Variants in METAP1 observed in about 807,000 individuals in gnomAD.
METAP1 encodes methionyl aminopeptidase 1.
In METAP1, 28 loss-of-function variants were observed where a neutral mutation model predicts 53.8. That is an observed-to-expected ratio of 0.52 (90% confidence interval 0.39 to 0.71). METAP1 has a LOEUF of 0.71. METAP1 is among the 30% of genes least tolerant of loss of function. METAP1 has a pLI of 0.00. For synonymous variants in METAP1, 181 were observed against 165.7 expected (o/e 1.09, Z -0.71); for missense variants, 389 against 479.8 (o/e 0.81, Z 1.77).
At chr4:99,029,148 AG>A (rs1248716735) in intron 2 of METAP1, among the ~76,000 whole-genome samples, 2 of 152,202 alleles carry the variant, frequency 1.3e-5, no homozygotes, top group Non-Finnish European at 2.9e-5. Flanking sequence ...GATAGTTGTT[AG>A]TATAGATGGA....
intron 3 of METAP1, 83 bp from the exon 4 acceptor site, chr4:99,035,316 TA>T: frequency 1.0e-6 from 1 of 975,486 alleles, no homozygotes. Flanking sequence ...TTAAAACTTC[TA>T]AAAACTTTTG....
chr4:99,011,719 T>A (rs1723478050), intron 1 of METAP1, among the ~76,000 whole-genome samples: 1 of 152,160 alleles, frequency 6.6e-6, no homozygotes, highest in South Asian at 2.1e-4. Context: ...GGCAGGCGGA[T>A]CACCTGAGGT....
chr4:99,058,021 T>G (rs1318797031), intron 10 of METAP1, among the ~76,000 whole-genome samples: 1 of 152,172 alleles, frequency 6.6e-6, no homozygotes. Context: ...GGTAGTCTTC[T>G]GTCAGGAGAT....
At chr4:99,050,800 A>G (rs898887844) in intron 9 of METAP1, among the ~76,000 whole-genome samples, 3 of 152,116 alleles carry the variant, frequency 2.0e-5, no homozygotes, top group African/African-American at 7.2e-5. Context: ...TTCATCCTGA[A>G]TCATCCCCCC....
Position 99,016,392 on chromosome 4 carries a change from T to A in METAP1, c.115-12475T>A, listed in dbSNP as rs189935140. 1.2e-3 allele frequency among the ~76,000 whole-genome samples: 183 copies of A among 152,296 alleles called. 1 individual carries two copies. Among genetic ancestry groups the A allele is most frequent in the Non-Finnish European group, 5.0e-4 (34 of 68,020 alleles). On this transcript the variant is annotated intron_variant, in intron 1 of 10. Coordinates refer to ENST00000296411, the MANE Select transcript of METAP1 (RefSeq NM_015143.3). ...TAGTTAGATGACTTGTCTGATTCAT[T>A]CTTTCTACTCTCCTGGAGGAGGAGG...
chr4:99,033,242 G>C (rs1412186576), intron 2 of METAP1, among the ~76,000 whole-genome samples: 1 of 151,852 alleles, frequency 6.6e-6, no homozygotes, highest in African/African-American at 2.4e-5. Flanking sequence ...TTGTTTAAGA[G>C]GGGAGTTTTA....
intron 3 of METAP1, 141 bp downstream of exon 3, chr4:99,034,483 C>T (rs565304748): frequency 5.4e-5 from 33 of 615,668 alleles, no homozygotes; most frequent in Admixed American, 1.1e-4. Flanking sequence ...TGAGCTCTTA[C>T]GGTGCATCAT....
At chr4:99,022,653 C>T in intron 1 of METAP1, 2 of 1,097,854 alleles carry the variant, frequency 1.8e-6, no homozygotes, top group African/African-American at 1.6e-5. Context: ...CGCTCAAAGG[C>T]AAGGTGCTCG....
At chr4:99,026,630 C>T in intron 1 of METAP1, 2 of 985,312 alleles carry the variant, frequency 2.0e-6, no homozygotes, top group Non-Finnish European at 2.4e-6. Context: ...GTTAAGGAGT[C>T]AGAAATTAAC....
At chr4:98,997,813 TC>T (rs969299355) in intron 1 of METAP1, among the ~76,000 whole-genome samples, 4 of 152,206 alleles carry the variant, frequency 2.6e-5, no homozygotes, top group African/African-American at 9.6e-5. Flanking sequence ...ACTCAAATAT[TC>T]CCAGAGTGGC....
intron 1 of METAP1, chr4:99,022,667 T>TG: frequency 8.2e-7 from 1 of 1,214,936 alleles, no homozygotes; most frequent in Non-Finnish European, 1.2e-6. Flanking sequence ...GTGCTCGCTG[T>TG]GGTGGGACCA....
At chr4:99,011,787 A>C (rs983109396) in intron 1 of METAP1, among the ~76,000 whole-genome samples, 10 of 152,148 alleles carry the variant, frequency 6.6e-5, no homozygotes, top group African/African-American at 2.4e-4. Context: ...CTAAAAATAC[A>C]AAATTAGCCA....
At chr4:99,025,628 C>T in intron 1 of METAP1, 2 of 336,158 alleles carry the variant, frequency 5.9e-6, no homozygotes, top group Non-Finnish European at 8.5e-6. Flanking sequence ...TTTGAACTGC[C>T]AACCACCCTG....
rs1010416149 is a variant in METAP1 at position 98,995,924 on chromosome 4, C to T, written c.114+57C>T. On this transcript the variant is annotated intron_variant, in intron 1 of 10. Coordinates refer to ENST00000296411, the MANE Select transcript of METAP1 (RefSeq NM_015143.3). The stretch of plus-strand genomic sequence containing the variant: ...CGCTGCGGGACCCCTCCTCGCTTCT[C>T]CCCTGCTGGCTCCTCCCGCCCTTGC... 12 of 1,356,854 alleles carry T rather than the reference C, an allele frequency of 8.8e-6. No individual in the cohort carries two copies. The African/African-American group carries it at 1.0e-4, about 12-fold the overall frequency. 84.1% of individuals were successfully genotyped at this position (1,356,854 alleles called of 1,614,324 possible).
In METAP1 at chr4:99,034,245, A is replaced by C; in HGVS notation, c.182A>C (p.Lys61Thr). 6.5e-7 allele frequency: 1 copy of C among 1,549,342 alleles called. No individual in the cohort carries two copies. The highest frequency in any genetic ancestry group is 8.7e-7 in the Non-Finnish European group (1 of 1,144,772). Reference protein sequence around the residue: ...LHKKAKDEKAKREVSSWTVEG... With the variant: ...LHKKAKDEKATREVSSWTVEG... ...CGTCTCCCAGAAGATGAAAAGGCGA[A>C]GCGAGAAGTGTCTTCCTGGACTGTG... Residue 61 changes from lysine (K) to threonine (T), a missense_variant, in exon 3 of 11, where the codon AAG (lysine) becomes ACG (threonine). Physicochemically the swap from Lys to Thr is moderately conservative, Grantham distance 78. Coordinates refer to ENST00000296411, the MANE Select transcript of METAP1 (RefSeq NM_015143.3).
intron 1 of METAP1, among the ~76,000 whole-genome samples, chr4:99,019,701 C>T (rs1723973616): frequency 6.6e-6 from 1 of 152,190 alleles, no homozygotes; most frequent in African/African-American, 2.4e-5. Flanking sequence ...TCATCCTTCT[C>T]ATGTATGCTT....
At chr4:98,998,510 A>G (rs765010408) in intron 1 of METAP1, among the ~76,000 whole-genome samples, 6 of 152,172 alleles carry the variant, frequency 3.9e-5, no homozygotes, top group Non-Finnish European at 8.8e-5. Context: ...GCAACAGAGC[A>G]AGACTCCGTC....
intron 9 of METAP1, 50 bp from the exon 10 acceptor site, chr4:99,057,703 A>G (rs974719023): frequency 1.5e-6 from 2 of 1,371,688 alleles, no homozygotes; most frequent in African/African-American, 2.9e-5. Context: ...GCTGTTCAAC[A>G]GTACACTGTT....
In METAP1 at chr4:99,033,891, A is replaced by C. The variant is rs542269101; in HGVS notation, c.167-339A>C. 2.0e-5 allele frequency among the ~76,000 whole-genome samples: 3 copies of C among 152,310 alleles called. No homozygotes were observed. In the South Asian group the frequency reaches 6.2e-4, roughly 32 times the overall value. On this transcript the variant is annotated intron_variant, in intron 2 of 10. Coordinates refer to ENST00000296411, the MANE Select transcript of METAP1 (RefSeq NM_015143.3). ...TTTCATATTTTAAAATGGGCTTTCT[A>C]TAAATTGATGTGGTCAGAATACATT...
Sources: allele counts gnomAD v4.1 joint callset (sites outside exome capture counted in the v4.1 genomes callset), GRCh38; gene constraint gnomAD v4.1.1; transcripts MANE v1.5; gene names NCBI Gene and HGNC (gene_info 2026-07-23, HGNC 2026-07-21).